Variants in AGAP1 observed in about 807,000 individuals in gnomAD.
AGAP1 encodes arf-GAP with GTPase, ANK repeat and PH domain-containing protein 1.
In AGAP1, 29 loss-of-function variants were observed where a neutral mutation model predicts 105.3. That is an observed-to-expected ratio of 0.28 (90% CI 0.21 to 0.38). AGAP1 has a LOEUF of 0.38. Among genes scored for constraint, AGAP1 ranks in the 10% least tolerant of loss-of-function variants. The pLI, the probability that AGAP1 is intolerant of heterozygous loss-of-function variation, is 1.00. For missense variants in AGAP1, 998 were observed against 1,165.1 expected (o/e 0.86, Z 2.09); for synonymous variants, 509 against 485.9 (o/e 1.05, Z -0.63).
rs2054084927 is a variant in AGAP1, at chr2:235,959,357, A to G, written c.1484-9105A>G. Among the ~76,000 whole-genome samples, 1 of 152,172 alleles carries G rather than the reference A, an allele frequency of 6.6e-6. No individual in the cohort carries two copies. Among genetic ancestry groups the G allele is most frequent in the Non-Finnish European group, 1.5e-5 (1 of 68,032 alleles). Reference sequence around the variant, plus strand: ...GGCGAGGGGAGTAGTTGGAATGGAAAAGCACAGCGTGGAAGCCTAGTGCGT... The same window carrying G: ...GGCGAGGGGAGTAGTTGGAATGGAAGAGCACAGCGTGGAAGCCTAGTGCGT... On this transcript the variant is annotated intron_variant, in intron 12 of 17. Coordinates refer to ENST00000304032, the MANE Select transcript of AGAP1 (RefSeq NM_001037131.3). The surrounding 1 kb of genome is among the most constrained non-coding windows in gnomAD (Gnocchi z 7.3).
intron 1 of AGAP1, among the ~76,000 whole-genome samples, chr2:235,547,912 C>T (rs1369823239): frequency 6.6e-6 from 1 of 152,174 alleles, no homozygotes; most frequent in South Asian, 2.1e-4. Context: ...GGTGTCTGTG[C>T]GTTGAACAGA....
At position 236,113,518 on chromosome 2, in the gene AGAP1, A is replaced by C. The variant is rs1901764; in HGVS notation, c.2115-6674A>C. 0.088 allele frequency among the ~76,000 whole-genome samples: 13,382 copies of C among 152,260 alleles called. 673 individuals carry two copies. Among genetic ancestry groups the C allele is most frequent in the Middle Eastern group, 0.17 (50 of 294 alleles). ...ATAAAGTCAGTTACTGTCATCCTTA[A>C]GCCCACACTAAGTGCTCCGGTTACA... is the stretch of plus-strand genomic sequence containing the variant. On this transcript the variant is annotated intron_variant, in intron 16 of 17. Coordinates refer to ENST00000304032, the MANE Select transcript of AGAP1 (RefSeq NM_001037131.3). This position sits in a 1 kb window ranked among gnomAD's most constrained non-coding sequence, Gnocchi z 4.3.
rs2055179498 is a variant in AGAP1 at position 235,983,436 on chromosome 2, G to C, written c.1645+14813G>C. 6.6e-6 allele frequency among the ~76,000 whole-genome samples: 1 copy of C among 151,864 alleles called. No individual in the cohort carries two copies. Among genetic ancestry groups the C allele is most frequent in the Non-Finnish European group, 1.5e-5 (1 of 67,994 alleles). On this transcript the variant is annotated intron_variant, in intron 13 of 17. Transcript: ENST00000304032. The surrounding 1 kb of genome is among the most constrained non-coding windows in gnomAD (Gnocchi z 4.5). ...TCTTCCATTCTCCTTTTTCCTGTAA[G>C]ACTGTCCTTGCTTCTCTTGTTTAAT...
At chr2:235,605,686 G>A (rs574684590) in intron 1 of AGAP1, among the ~76,000 whole-genome samples, 2 of 152,242 alleles carry the variant, frequency 1.3e-5, no homozygotes, top group Non-Finnish European at 2.9e-5. Context: ...ATCAGAAACA[G>A]GGAGGTCTTT....
At position 235,741,205 on chromosome 2, in the gene AGAP1, G is replaced by T. The variant is rs146599944; in HGVS notation, c.396+157G>T. Among the ~76,000 whole-genome samples, 1 of 152,270 alleles carries T rather than the reference G, an allele frequency of 6.6e-6. No individual in the cohort carries two copies. The highest frequency in any genetic ancestry group is 1.5e-5 in the Non-Finnish European group (1 of 68,022). ...CACTGCATTTTTTTCTCATCTCTAAGAAGCTAATTCTTTTTTTATTTTTTT... is the reference window on the plus strand; with the variant it reads ...CACTGCATTTTTTTCTCATCTCTAATAAGCTAATTCTTTTTTTATTTTTTT... On this transcript the variant is annotated intron_variant, in intron 4 of 17. Coordinates refer to ENST00000304032, the MANE Select transcript of AGAP1 (RefSeq NM_001037131.3). The surrounding 1 kb of genome is among the most constrained non-coding windows in gnomAD (Gnocchi z 4.9).
At position 235,818,958 on chromosome 2, in the gene AGAP1, C is replaced by T. The variant is rs73126458; in HGVS notation, c.1050+11627C>T. Among the ~76,000 whole-genome samples, 401 of 152,316 alleles carry T rather than the reference C, an allele frequency of 2.6e-3. 1 individual carries two copies. The highest frequency in any genetic ancestry group is 8.4e-3 in the African/African-American group (348 of 41,566). ...GGCACCAGCAAGGCAGGCTGTTTTA[C>T]GCAGGGCTGTCCTGGAAAGTCTGTG... On this transcript the variant is annotated intron_variant, in intron 9 of 17. Coordinates refer to ENST00000304032, the MANE Select transcript of AGAP1 (RefSeq NM_001037131.3).
chr2:235,611,912 C>T lies in AGAP1; in HGVS notation c.164-97267C>T, dbSNP rs963124123. Among the ~76,000 whole-genome samples the T allele has an allele frequency of 3.3e-5, 5 of 152,144 alleles. No individual in the cohort carries two copies. Among genetic ancestry groups the T allele is most frequent in the Non-Finnish European group, 5.9e-5 (4 of 68,038 alleles). ...TGTGACTGGGAGCATTGCTGTTTGG[C>T]ATGCTTGTGGGCACGGTTTAAGGGT... On this transcript the variant is annotated intron_variant, in intron 1 of 17. Transcript: ENST00000304032. This position sits in a 1 kb window ranked among gnomAD's most constrained non-coding sequence, Gnocchi z 5.0.
intron 1 of AGAP1, among the ~76,000 whole-genome samples, chr2:235,536,142 TACACACACACACACAC>T (rs58090095): frequency 9.6e-3 from 157 of 16,374 alleles, no homozygotes; most frequent in Middle Eastern, 0.038. Flanking sequence ...TGTGGCATCC[TACACACACACACACAC>T]ACACACACAC....
rs527553836 is a variant in AGAP1 at position 235,558,313 on chromosome 2, G to A, written c.163+63464G>A. Among the ~76,000 whole-genome samples, 5 of 152,220 alleles carry A rather than the reference G, an allele frequency of 3.3e-5. No homozygotes were observed. The South Asian group carries it at 8.3e-4, about 25-fold the overall frequency. On this transcript the variant is annotated intron_variant, in intron 1 of 17. Transcript: ENST00000304032. ...CTCCTTCTCATCACCTCTGTTGTCTGTCCCTGACAGGCTTCTGTGCTTTGG... is the reference window on the plus strand; with the variant it reads ...CTCCTTCTCATCACCTCTGTTGTCTATCCCTGACAGGCTTCTGTGCTTTGG...
chr2:235,790,603 C>T lies in AGAP1; in HGVS notation c.674-7156C>T, dbSNP rs12470463. 8.3e-3 allele frequency among the ~76,000 whole-genome samples: 1,266 copies of T among 152,314 alleles called. 53 individuals carry two copies. Among genetic ancestry groups the T allele is most frequent in the Admixed American group, 0.071 (1,087 of 15,298 alleles). On this transcript the variant is annotated intron_variant, in intron 6 of 17. Transcript: ENST00000304032. ...GAATAACCCCCCATTGCCTTAAGGA[C>T]AACTTCACACTTGCCACTCTTCTCT...
chr2:236,123,114 C>T lies in AGAP1; in HGVS notation c.2371-805C>T, dbSNP rs2125984713. Among the ~76,000 whole-genome samples the T allele has an allele frequency of 6.6e-6, 1 of 152,232 alleles. No individual in the cohort carries two copies. Among genetic ancestry groups the T allele is most frequent in the South Asian group, 2.1e-4 (1 of 4,818 alleles). On this transcript the variant is annotated intron_variant, in intron 17 of 17. Transcript: ENST00000304032. This position sits in a 1 kb window ranked among gnomAD's most constrained non-coding sequence, Gnocchi z 4.6. ...GGGGAGACAGGGTCTCACTCTGTTG[C>T]CCAGGCTGGAGTGCAGTGGTGTGAT...
At chr2:235,749,655 T>C (rs1953266444) in intron 5 of AGAP1, among the ~76,000 whole-genome samples, 1 of 151,818 alleles carries the variant, frequency 6.6e-6, no homozygotes, top group Non-Finnish European at 1.5e-5. Flanking sequence ...CAGTGCCTAC[T>C]GCGCCCCACC....
At chr2:235,873,091 G>A (rs1475937363) in intron 9 of AGAP1, among the ~76,000 whole-genome samples, 2 of 152,188 alleles carry the variant, frequency 1.3e-5, no homozygotes, top group Non-Finnish European at 2.9e-5. Flanking sequence ...TGTCCCCAGG[G>A]TGCTTATGCA....
chr2:235,536,925 C>A (rs1202244798), intron 1 of AGAP1, among the ~76,000 whole-genome samples: 1 of 152,146 alleles, frequency 6.6e-6, no homozygotes, highest in East Asian at 1.9e-4. Context: ...GCCATGGCTC[C>A]CCAGTTCTCT....
chr2:235,545,241 C>T (rs1574817636), intron 1 of AGAP1, among the ~76,000 whole-genome samples: 1 of 152,344 alleles, frequency 6.6e-6, no homozygotes, highest in East Asian at 1.9e-4. Context: ...ACCCCCTTCT[C>T]ATGTTGAAAA....
At position 235,927,163 on chromosome 2, in the gene AGAP1, G is replaced by A. The variant is rs1022289244; in HGVS notation, c.1325-3602G>A. Among the ~76,000 whole-genome samples the A allele has an allele frequency of 6.6e-6, 1 of 152,160 alleles. No individual in the cohort carries two copies. Among genetic ancestry groups the A allele is most frequent in the Non-Finnish European group, 1.5e-5 (1 of 68,024 alleles). ...CCGCAGTGGGAAGTGGGTGTGGCTG[G>A]GGCTGGGGGGCCTTCACGAGCTATA... On this transcript the variant is annotated intron_variant, in intron 11 of 17. Transcript: ENST00000304032. The surrounding 1 kb of genome is among the most constrained non-coding windows in gnomAD (Gnocchi z 4.4).
Position 235,555,872 on chromosome 2 carries a change from G to A in AGAP1, c.163+61023G>A, listed in dbSNP as rs957823389. Among the ~76,000 whole-genome samples the A allele has an allele frequency of 6.6e-6, 1 of 152,176 alleles. No homozygotes were observed. The highest frequency in any genetic ancestry group is 2.4e-5 in the African/African-American group (1 of 41,456). On this transcript the variant is annotated intron_variant, in intron 1 of 17. Transcript: ENST00000304032. This position sits in a 1 kb window ranked among gnomAD's most constrained non-coding sequence, Gnocchi z 5.1. ...GCCTGAGTTTGCAGGTTTGTGCAGG[G>A]CATTGATTGGTTGGTTGGTTGATTG...
rs1488660671 is a variant in AGAP1 at position 235,864,220 on chromosome 2, T to G, written c.1051-19125T>G. Among the ~76,000 whole-genome samples, 1 of 152,186 alleles carries G rather than the reference T, an allele frequency of 6.6e-6. No individual in the cohort carries two copies. The highest frequency in any genetic ancestry group is 1.9e-4 in the East Asian group (1 of 5,190). On this transcript the variant is annotated intron_variant, in intron 9 of 17. Transcript: ENST00000304032. The surrounding 1 kb of genome is among the most constrained non-coding windows in gnomAD (Gnocchi z 5.0). ...TTCTGATTGTTCCTTTTTCAGGAAT[T>G]CCTCCCTGCCATATCCATGTGCCAC...
At chr2:236,070,279 A>G (rs1031377642) in intron 16 of AGAP1, among the ~76,000 whole-genome samples, 1 of 152,228 alleles carries the variant, frequency 6.6e-6, no homozygotes, top group Non-Finnish European at 1.5e-5. Context: ...GCGTCCGGAC[A>G]CCATGCTCAC....
Sources: allele counts gnomAD v4.1 joint callset (sites outside exome capture counted in the v4.1 genomes callset), GRCh38; gene constraint gnomAD v4.1.1; non-coding constraint Gnocchi (gnomAD v3.1); transcripts MANE v1.5; gene names NCBI Gene and HGNC (gene_info 2026-07-23, HGNC 2026-07-21).